LMO7: variants seen among roughly 807,000 people sequenced by gnomAD.
LMO7 encodes LIM domain only protein 7.
A neutral mutation model predicts 206.5 loss-of-function variants in LMO7; 120 were observed. That is an observed-to-expected ratio of 0.58 (90% CI 0.50 to 0.68). The LOEUF (loss-of-function observed/expected upper bound fraction) is 0.68. LMO7 is among the 30% of genes least tolerant of loss of function. The pLI is 0.00. For missense variants in LMO7, 1,959 were observed against 1,957.9 expected, an observed-to-expected ratio of 1.00 and a Z score of -0.01; for synonymous variants, 706 against 681.5, an observed-to-expected ratio of 1.04 and a Z score of -0.56.
rs369178331 is a variant in LMO7 at position 75,841,120 on chromosome 13, A to G, written c.3594A>G (p.Gln1198=). The G allele has an allele frequency of 1.8e-4, 283 of 1,609,124 alleles. No individual in the cohort carries two copies. Among genetic ancestry groups the G allele is most frequent in the Non-Finnish European group, 2.4e-4 (280 of 1,176,158 alleles). The change falls in exon 23 of 31, where the codon CAA becomes CAG. Residue 1198 remains glutamine, a synonymous_variant. Coordinates refer to ENST00000377534, the MANE Select transcript of LMO7 (RefSeq NM_001306080.2). The stretch of plus-strand genomic sequence containing the variant: ...ATATTTTCTTATAGGAAAAATATCA[A>G]CGTGAGCAGGAGAAACTGAGGGAAG... ...EQDRLLQEKY[Q]REQEKLREEW...
intron 1 of LMO7, among the ~76,000 whole-genome samples, chr13:75,709,346 A>C (rs1386309271): frequency 6.6e-6 from 1 of 152,144 alleles, no homozygotes; most frequent in Non-Finnish European, 1.5e-5. Context: ...TGGTATTTCT[A>C]CTTCAAGATC....
Position 75,804,288 on chromosome 13 carries a change from G to T in LMO7, c.662-1G>T, listed in dbSNP as rs762777171. 1 of 1,610,730 alleles carries T rather than the reference G, an allele frequency of 6.2e-7. No homozygotes were observed. The highest frequency in any genetic ancestry group is 8.5e-7 in the Non-Finnish European group (1 of 1,177,626). On this transcript the variant is annotated splice_acceptor_variant, in intron 7 of 30. Transcript: ENST00000377534. LOFTEE classifies it high-confidence loss of function. Reference sequence around the variant, plus strand: ...AGCAAATTCTTGTGCCTTCTTTATAGGTTTTGAAAGTGACACAGATTCGGA... The same window carrying T: ...AGCAAATTCTTGTGCCTTCTTTATATGTTTTGAAAGTGACACAGATTCGGA...
At chr13:75,733,407 C>T (rs867239415) in intron 3 of LMO7, among the ~76,000 whole-genome samples, 52 of 152,318 alleles carry the variant, frequency 3.4e-4, no homozygotes, top group African/African-American at 7.9e-4. Flanking sequence ...AGCAAGACTC[C>T]GTGGGCGTAG....
chr13:75,681,969 C>T (rs1407019646), intron 1 of LMO7, among the ~76,000 whole-genome samples: 1 of 151,624 alleles, frequency 6.6e-6, no homozygotes, highest in Non-Finnish European at 1.5e-5. Flanking sequence ...GAGCATTCAT[C>T]CTACGGTTTT....
At chr13:75,674,635 T>C (rs1594203416) in intron 1 of LMO7, among the ~76,000 whole-genome samples, 1 of 152,216 alleles carries the variant, frequency 6.6e-6, no homozygotes, top group Non-Finnish European at 1.5e-5. Context: ...AATGGAAGAA[T>C]GCAACTAAAT....
chr13:75,772,083 C>A (rs572646062), intron 4 of LMO7, among the ~76,000 whole-genome samples: 1 of 152,198 alleles, frequency 6.6e-6, no homozygotes, highest in Non-Finnish European at 1.5e-5. Flanking sequence ...AGAAATGACT[C>A]AAGCACAGAA....
At chr13:75,846,849 A>G (rs1369934831) in intron 26 of LMO7, among the ~76,000 whole-genome samples, 1 of 152,070 alleles carries the variant, frequency 6.6e-6, no homozygotes, top group Non-Finnish European at 1.5e-5. Flanking sequence ...TGACCAACAT[A>G]GTGAAACCCC....
intron 3 of LMO7, among the ~76,000 whole-genome samples, chr13:75,729,841 T>C (rs1247925469): frequency 5.4e-5 from 8 of 148,022 alleles, no homozygotes; most frequent in Non-Finnish European, 9.0e-5. Flanking sequence ...GCATGAAGGG[T>C]TGTTGAATTT....
chr13:75,766,678 T>C (rs980958308), intron 4 of LMO7, among the ~76,000 whole-genome samples: 1 of 152,132 alleles, frequency 6.6e-6, no homozygotes, highest in African/African-American at 2.4e-5. Flanking sequence ...ACTCATCTAA[T>C]TGGAGATGAC....
chr13:75,760,990 T>C lies in LMO7; in HGVS notation c.269T>C (p.Leu90Pro), dbSNP rs1210509614. The C allele has an allele frequency of 3.1e-5, 50 of 1,613,250 alleles. No homozygotes were observed. Among genetic ancestry groups the C allele is most frequent in the Non-Finnish European group, 4.1e-5 (48 of 1,179,670 alleles). The change falls in exon 4 of 31, where the codon CTT (leucine) becomes CCT (proline). Residue 90 changes from leucine (L) to proline (P), a missense_variant. Coordinates refer to ENST00000377534, the MANE Select transcript of LMO7 (RefSeq NM_001306080.2). The part of the protein sequence containing the change: ...CEQIGLKEAQ[L>P]FHPGDLQDLS... Reference sequence around the variant, plus strand: ...CAGATTGGATTGAAAGAAGCCCAGCTTTTCCATCCTGGAGATCTACAGGAT... The same window carrying C: ...CAGATTGGATTGAAAGAAGCCCAGCCTTTCCATCCTGGAGATCTACAGGAT...
chr13:75,855,419 C>T (rs370942217), intron 29 of LMO7, 51 bp downstream of exon 29: 53 of 1,228,636 alleles, frequency 4.3e-5, no homozygotes, highest in African/African-American at 4.3e-4. Context: ...GCTTGGAGAG[C>T]GCATGGCTGC....
chr13:75,739,911 A>G (rs569011454), intron 3 of LMO7, among the ~76,000 whole-genome samples: 1 of 152,168 alleles, frequency 6.6e-6, no homozygotes, highest in African/African-American at 2.4e-5. Flanking sequence ...GCCCTTTCCA[A>G]AATTGAAACC....
At chr13:75,678,249 A>G (rs998949907) in intron 1 of LMO7, among the ~76,000 whole-genome samples, 5 of 152,222 alleles carry the variant, frequency 3.3e-5, no homozygotes, top group Admixed American at 6.5e-5. Context: ...ACTAGTTTAC[A>G]GTCCCACCAC....
At chr13:75,630,264 A>G (rs1476856159) in intron 2 of LMO7, among the ~76,000 whole-genome samples, 1 of 152,244 alleles carries the variant, frequency 6.6e-6, no homozygotes. Context: ...TAGATATGGA[A>G]ACCCAGTTTT....
intron 14 of LMO7, among the ~76,000 whole-genome samples, chr13:75,822,887 T>C (rs896464504): frequency 6.7e-6 from 1 of 149,320 alleles, no homozygotes; most frequent in Non-Finnish European, 1.5e-5. Flanking sequence ...ATCTGTGCTA[T>C]AAAAATAAAA....
chr13:75,760,012 TG>T, intron 3 of LMO7, among the ~76,000 whole-genome samples: 1 of 152,016 alleles, frequency 6.6e-6, no homozygotes. Context: ...AGAACCCGCC[TG>T]GGATTGTCAC....
Position 75,805,466 on chromosome 13 carries a change from A to T in LMO7, c.915-13A>T. ...CTCATACAGTGTCTTAACCGGTTGGATGTTTTGAACAGTAATCAGAGGAGG... is the reference window on the plus strand; with the variant it reads ...CTCATACAGTGTCTTAACCGGTTGGTTGTTTTGAACAGTAATCAGAGGAGG... On this transcript the variant is annotated splice_polypyrimidine_tract_variant and intron_variant, in intron 8 of 30. Transcript: ENST00000377534. 1 of 1,610,756 alleles carries T rather than the reference A, an allele frequency of 6.2e-7. No individual in the cohort carries two copies. Among genetic ancestry groups the T allele is most frequent in the Non-Finnish European group, 8.5e-7 (1 of 1,177,886 alleles).
At chr13:75,630,876 G>A (rs2034844212) in intron 2 of LMO7, among the ~76,000 whole-genome samples, 1 of 151,922 alleles carries the variant, frequency 6.6e-6, no homozygotes, top group East Asian at 1.9e-4. Flanking sequence ...AGCTGGTTTC[G>A]AACTCCTGAC....
intron 1 of LMO7, among the ~76,000 whole-genome samples, chr13:75,673,418 G>T (rs1340348916): frequency 1.3e-5 from 2 of 152,164 alleles, no homozygotes; most frequent in African/African-American, 4.8e-5. Flanking sequence ...TGCCTTGCCG[G>T]TAAAGAGGGA....
Sources: allele counts gnomAD v4.1 joint callset (sites outside exome capture counted in the v4.1 genomes callset), GRCh38; gene constraint gnomAD v4.1.1; transcripts MANE v1.5; gene names NCBI Gene and HGNC (gene_info 2026-07-23, HGNC 2026-07-21).